The following PRELID2 variants were observed in gnomAD, a reference collection of about 807,000 sequenced individuals.
PRELID2 encodes PRELI domain-containing protein 2.
In PRELID2, 25 loss-of-function variants were observed where a neutral mutation model predicts 28.4. The observed-to-expected ratio is 0.88, with a 90% CI of 0.64 to 1.23. The LOEUF is 1.23. Among genes scored for constraint, PRELID2 ranks in the 50% most tolerant of loss-of-function variants. The pLI, the probability that PRELID2 is intolerant of heterozygous loss-of-function variation, is 0.00. For synonymous variants in PRELID2, 76 were observed against 71.6 expected (o/e 1.06, Z -0.31); for missense variants, 201 against 214.4 (o/e 0.94, Z 0.39).
intron 1 of PRELID2, among the ~76,000 whole-genome samples, chr5:145,565,518 T>G (rs1752957258): frequency 6.6e-6 from 1 of 152,270 alleles, no homozygotes; most frequent in Non-Finnish European, 1.5e-5. Context: ...ACAATTGTAA[T>G]GCAGTAATGC....
chr5:145,695,035 A>G (rs1252292087), intron 1 of PRELID2, among the ~76,000 whole-genome samples: 1 of 152,238 alleles, frequency 6.6e-6, no homozygotes, highest in Non-Finnish European at 1.5e-5. Flanking sequence ...CGGATTCAGT[A>G]GTGTCCCAAA....
the PRELID2 span, chr5:145,230,203 C>T: frequency 5.4e-6 from 2 of 371,910 alleles, no homozygotes; most frequent in East Asian, 6.5e-5. Context: ...TTCCGTGGTC[C>T]CCCCAAAGCC....
the PRELID2 span, among the ~76,000 whole-genome samples, chr5:145,320,431 C>T: frequency 9.9e-5 from 15 of 152,092 alleles, no homozygotes; most frequent in Non-Finnish European, 2.1e-4. Context: ...CCACTACGCC[C>T]GGCTAATTTT....
At chr5:145,823,206 G>T (rs1561652675) in intron 1 of PRELID2, 72 bp from the exon 2 acceptor site, 1 of 752,062 alleles carries the variant, frequency 1.3e-6, no homozygotes, top group East Asian at 2.5e-5. Flanking sequence ...AGTAACCACA[G>T]CTGTCTGCAG....
chr5:145,410,197 C>G, the PRELID2 span, among the ~76,000 whole-genome samples: 1 of 152,104 alleles, frequency 6.6e-6, no homozygotes, highest in Non-Finnish European at 1.5e-5. Context: ...AGACTTGAAA[C>G]CATAAAAATT....
At chr5:145,805,026 A>G (rs941220214) in intron 4 of PRELID2, among the ~76,000 whole-genome samples, 3 of 152,214 alleles carry the variant, frequency 2.0e-5, no homozygotes, top group African/African-American at 7.2e-5. Context: ...ATTCTGCATT[A>G]TCTCAATGCC....
the PRELID2 span, among the ~76,000 whole-genome samples, chr5:145,445,211 C>A: frequency 6.6e-6 from 1 of 151,988 alleles, no homozygotes; most frequent in Non-Finnish European, 1.5e-5. Context: ...AAATAGAGAA[C>A]CCAGAAATGA....
chr5:145,556,003 C>G (rs923203473), intron 1 of PRELID2, among the ~76,000 whole-genome samples: 3 of 151,800 alleles, frequency 2.0e-5, no homozygotes, highest in Non-Finnish European at 4.4e-5. Context: ...CACAGTGAAA[C>G]CCCGTCTCTA....
chr5:145,497,061 G>A (rs773329570), intron 1 of PRELID2, among the ~76,000 whole-genome samples: 4 of 151,244 alleles, frequency 2.6e-5, no homozygotes, highest in Non-Finnish European at 4.4e-5. Context: ...ACAGGGTCTC[G>A]CTACATTGCA....
chr5:145,348,013 G>T, the PRELID2 span, among the ~76,000 whole-genome samples: 2 of 152,070 alleles, frequency 1.3e-5, 1 homozygote, highest in Non-Finnish European at 2.9e-5. Context: ...ACCTGAACAA[G>T]CAGGCAGTAA....
chr5:145,829,015 T>C (rs920520718), intron 1 of PRELID2, among the ~76,000 whole-genome samples: 2 of 150,182 alleles, frequency 1.3e-5, no homozygotes, highest in Non-Finnish European at 3.0e-5. Context: ...ATTTTGGGGG[T>C]TTTTTGTTTT....
chr5:145,710,392 A>C (rs577397648), intron 1 of PRELID2, among the ~76,000 whole-genome samples: 10 of 152,184 alleles, frequency 6.6e-5, no homozygotes, highest in African/African-American at 1.2e-4. Flanking sequence ...AAAACAATTA[A>C]CCTTTCTGGG....
chr5:145,301,813 T>C, the PRELID2 span, among the ~76,000 whole-genome samples: 1 of 152,132 alleles, frequency 6.6e-6, no homozygotes, highest in Non-Finnish European at 1.5e-5. Flanking sequence ...TTCTAGTCTC[T>C]CAATTCTAGC....
chr5:145,765,912 A>G (rs1323863590), intron 5 of PRELID2, among the ~76,000 whole-genome samples: 2 of 152,204 alleles, frequency 1.3e-5, no homozygotes, highest in Non-Finnish European at 2.9e-5. Flanking sequence ...CAACTATTAA[A>G]TAATAAAGCC....
At chr5:145,540,890 A>G (rs1173052174) in intron 1 of PRELID2, among the ~76,000 whole-genome samples, 1 of 152,022 alleles carries the variant, frequency 6.6e-6, no homozygotes, top group Non-Finnish European at 1.5e-5. Flanking sequence ...GAATTATATT[A>G]CATGTGATAA....
At chr5:145,553,246 T>C (rs1338081884) in intron 1 of PRELID2, among the ~76,000 whole-genome samples, 1 of 142,598 alleles carries the variant, frequency 7.0e-6, no homozygotes, top group Non-Finnish European at 1.5e-5. Flanking sequence ...TTTATAGACA[T>C]GGTGCCTTGT....
chr5:145,345,370 C>T, the PRELID2 span, among the ~76,000 whole-genome samples: 2,096 of 151,878 alleles, frequency 0.014, 40 homozygotes, highest in African/African-American at 0.048. Flanking sequence ...TATTGAGGAC[C>T]TGATGCCTTG....
At chr5:145,516,413 A>G (rs1047635135) in intron 1 of PRELID2, among the ~76,000 whole-genome samples, 1 of 152,230 alleles carries the variant, frequency 6.6e-6, no homozygotes, top group Admixed American at 6.5e-5. Flanking sequence ...TAAAATGCCT[A>G]GCAATACAAA....
the PRELID2 span, among the ~76,000 whole-genome samples, chr5:145,453,045 T>C: frequency 1.3e-5 from 2 of 152,156 alleles, no homozygotes; most frequent in African/African-American, 4.8e-5. Context: ...ATAAGCTCTG[T>C]AGGTGTGAAC....
Sources: allele counts gnomAD v4.1 joint callset (sites outside exome capture counted in the v4.1 genomes callset), GRCh38; gene constraint gnomAD v4.1.1; transcripts MANE v1.5; gene names NCBI Gene and HGNC (gene_info 2026-07-23, HGNC 2026-07-21).